Variants in TIGIT observed in about 807,000 individuals in gnomAD.
TIGIT encodes the protein T-cell immunoreceptor with Ig and ITIM domains.
TIGIT carries 11 observed loss-of-function variants against 19.6 expected under a neutral mutation model. The observed-to-expected ratio is 0.56, with a 90% confidence interval of 0.35 to 0.93. The LOEUF (loss-of-function observed/expected upper bound fraction) is 0.93. Ranked by LOEUF, TIGIT falls within the 40% of genes least tolerant of loss-of-function variation. The probability of loss-of-function intolerance (pLI) is 0.01; values close to 1 mark genes in which losing one functional copy is unlikely to be tolerated. For synonymous variants in TIGIT, 130 were observed against 125.5 expected (o/e 1.04, Z -0.24); for missense variants, 295 against 303.9 (o/e 0.97, Z 0.22).
At position 114,308,755 on chromosome 3, in the gene TIGIT, G is replaced by C. The variant is rs1182798424; in HGVS notation, c.*624G>C. 6.6e-6 allele frequency: 1 copy of C among 152,622 alleles called. No individual in the cohort carries two copies. Among genetic ancestry groups the C allele is most frequent in the Non-Finnish European group, 1.5e-5 (1 of 68,346 alleles). The allele number at this position is 152,622 out of a possible 1,614,324, so 9.5% of individuals were successfully genotyped here. ...AGAGACGACAGTTTGGGGTGAGGTA[G>C]TTGGCATAGGCTTATCTGTGATGAA... is the stretch of plus-strand genomic sequence containing the variant. On this transcript the variant is annotated 3_prime_UTR_variant, in exon 4 of 4. Transcript: ENST00000383671.
Position 114,295,621 on chromosome 3 carries a change from C to T in TIGIT, c.138C>T (p.His46=), listed in dbSNP as rs756912053. The T allele has an allele frequency of 4.3e-6, 7 of 1,614,080 alleles. No individual in the cohort carries two copies. In the East Asian group the frequency reaches 6.7e-5, roughly 15 times the overall value. Residue 46 remains histidine, a synonymous_variant, in exon 2 of 4, where the codon CAC becomes CAT. Transcript: ENST00000383671. The stretch of plus-strand genomic sequence containing the variant: ...GTGGCTCTATCATCTTACAATGTCA[C>T]CTCTCCTCCACCACGGCACAAGTGA... ...EKGGSIILQC[H]LSSTTAQVTQ... is the part of the protein sequence containing the mutation.
chr3:114,306,105 C>T (rs1182773099), intron 3 of TIGIT, among the ~76,000 whole-genome samples: 1 of 152,080 alleles, frequency 6.6e-6, no homozygotes, highest in Non-Finnish European at 1.5e-5. Flanking sequence ...GTCAGGAGCA[C>T]TGGTTTAAGT....
chr3:114,307,872 C>T (rs748965017), intron 3 of TIGIT, 23 bp from the exon 4 acceptor site: 1 of 1,600,982 alleles, frequency 6.2e-7, no homozygotes, highest in Non-Finnish European at 8.6e-7. Flanking sequence ...CACATACTCA[C>T]TTTGTAGTTT....
At chr3:114,302,581 T>G (rs1560033196) in intron 3 of TIGIT, among the ~76,000 whole-genome samples, 1 of 152,220 alleles carries the variant, frequency 6.6e-6, no homozygotes, top group Non-Finnish European at 1.5e-5. Context: ...CCATTTTGTT[T>G]CTTTAAGTGC....
chr3:114,303,008 T>C (rs1195668724), intron 3 of TIGIT, among the ~76,000 whole-genome samples: 1 of 152,232 alleles, frequency 6.6e-6, no homozygotes, highest in Non-Finnish European at 1.5e-5. Context: ...ATAGATTATA[T>C]ACAAATGAAT....
At chr3:114,300,296 C>T (rs549153033) in intron 3 of TIGIT, among the ~76,000 whole-genome samples, 27 of 152,008 alleles carry the variant, frequency 1.8e-4, no homozygotes, top group Non-Finnish European at 1.0e-4. Context: ...GGGAGGATCA[C>T]TTGACTCTAG....
At chr3:114,306,466 A>G (rs1428753770) in intron 3 of TIGIT, among the ~76,000 whole-genome samples, 1 of 148,366 alleles carries the variant, frequency 6.7e-6, no homozygotes, top group Non-Finnish European at 1.5e-5. Context: ...AGACTGTGTT[A>G]TTTAGGAGCA....
chr3:114,307,776 T>C, intron 3 of TIGIT, 119 bp from the exon 4 acceptor site: 1 of 903,674 alleles, frequency 1.1e-6, no homozygotes, highest in Non-Finnish European at 1.8e-6. Flanking sequence ...TTGGTGTTGG[T>C]AAGAACATAA....
intron 3 of TIGIT, among the ~76,000 whole-genome samples, chr3:114,304,116 G>T (rs1488121143): frequency 3.3e-5 from 5 of 151,164 alleles, no homozygotes; most frequent in Non-Finnish European, 5.9e-5. Context: ...TTTTTCAGCT[G>T]ATTTGTTTGA....
chr3:114,302,288 G>A (rs577324728), intron 3 of TIGIT, among the ~76,000 whole-genome samples: 1 of 152,380 alleles, frequency 6.6e-6, no homozygotes, highest in South Asian at 2.1e-4. Flanking sequence ...ATAGGGCACA[G>A]AATAGGGTGG....
intron 3 of TIGIT, among the ~76,000 whole-genome samples, chr3:114,300,740 T>G (rs1183198407): frequency 2.0e-5 from 3 of 152,038 alleles, no homozygotes; most frequent in Admixed American, 2.0e-4. Flanking sequence ...ATGTGATGAG[T>G]GCATGCATGT....
chr3:114,299,874 T>A (rs1348555654), intron 3 of TIGIT, among the ~76,000 whole-genome samples, 171 bp downstream of exon 3: 1 of 152,204 alleles, frequency 6.6e-6, no homozygotes, highest in Non-Finnish European at 1.5e-5. Context: ...TTTATGCTCT[T>A]CCGTTGTCCC....
chr3:114,298,877 G>C (rs1243513992), intron 2 of TIGIT, among the ~76,000 whole-genome samples: 2 of 152,162 alleles, frequency 1.3e-5, no homozygotes, highest in Non-Finnish European at 2.9e-5. Context: ...GCATGCATGG[G>C]GGTGATGGTG....
At chr3:114,303,546 T>C in intron 3 of TIGIT, among the ~76,000 whole-genome samples, 1 of 8,088 alleles carries the variant, frequency 1.2e-4, no homozygotes. Flanking sequence ...TATACACATA[T>C]ATATGTATAT....
At position 114,294,115 on chromosome 3, in the gene TIGIT, C is replaced by T. The variant is rs563434855; in HGVS notation, c.54C>T (p.Leu18=). 5.0e-5 allele frequency: 78 copies of T among 1,554,002 alleles called. No individual in the cohort carries two copies. The South Asian group carries it at 6.6e-4, about 13-fold the overall frequency. Residue 18 remains leucine, a synonymous_variant, in exon 1 of 4, where the codon CTC becomes CTT. Transcript: ENST00000383671. ...CCCAGGGGCTGAGGCAGGCTCCCCT[C>T]GCCTCAGGTAAGGCCTGAAACCCAG... is the stretch of plus-strand genomic sequence containing the variant. ...IWAQGLRQAP[L]ASGMMTGTIE...
In TIGIT at chr3:114,299,708, T is replaced by C. The variant is rs746263083; in HGVS notation, c.498+5T>C. Reference sequence around the variant, plus strand: ...GTGGTCGCGTTGACTAGAAAGGTAATGGCTCCGGCTGCACACCGCAGTCAT... The same window carrying C: ...GTGGTCGCGTTGACTAGAAAGGTAACGGCTCCGGCTGCACACCGCAGTCAT... On this transcript the variant is annotated splice_donor_5th_base_variant and intron_variant, in intron 3 of 3. Coordinates refer to ENST00000383671, the MANE Select transcript of TIGIT (RefSeq NM_173799.4). 12 of 1,598,360 alleles carry C rather than the reference T, an allele frequency of 7.5e-6. No homozygotes were observed. The East Asian group carries it at 2.5e-4, about 33-fold the overall frequency.
At chr3:114,302,913 G>A (rs1173958812) in intron 3 of TIGIT, among the ~76,000 whole-genome samples, 1 of 152,158 alleles carries the variant, frequency 6.6e-6, no homozygotes. Flanking sequence ...TCTGTAAAGA[G>A]GCAGATAGTA....
intron 2 of TIGIT, among the ~76,000 whole-genome samples, chr3:114,298,689 A>T (rs1430797974): frequency 6.6e-6 from 1 of 152,216 alleles, no homozygotes; most frequent in Admixed American, 6.5e-5. Context: ...GGGGAATTTG[A>T]ATTGTGCAGG....
At chr3:114,297,083 A>G (rs1276792019) in intron 2 of TIGIT, among the ~76,000 whole-genome samples, 2 of 151,550 alleles carry the variant, frequency 1.3e-5, no homozygotes, top group Non-Finnish European at 2.9e-5. Flanking sequence ...TTTAGTAGAG[A>G]CAGGGTTTCT....
Sources: gnomAD v4.1 joint callset for allele counts (sites outside exome capture counted in the v4.1 genomes callset) on GRCh38, gnomAD v4.1.1 for gene constraint, MANE v1.5 for transcripts, NCBI Gene and HGNC (gene_info 2026-07-23, HGNC 2026-07-21) for gene names.